KDM4C: variants seen among roughly 807,000 people sequenced by gnomAD.
The protein encoded by KDM4C is lysine demethylase 4C.
In KDM4C, 81 loss-of-function variants were observed where a neutral mutation model predicts 129.3. That is an observed-to-expected ratio of 0.63 (90% CI 0.52 to 0.75). The LOEUF (loss-of-function observed/expected upper bound fraction) is 0.75, where lower values mean the gene tolerates loss of function less well. KDM4C is among the 30% of genes least tolerant of loss of function. The pLI, the probability that KDM4C is intolerant of heterozygous loss-of-function variation, is 0.00. For synonymous variants in KDM4C, 573 were observed against 456.1 expected (o/e 1.26, Z -3.26); for missense variants, 1,457 against 1,304.0 (o/e 1.12, Z -1.81).
chr9:6,840,116 A>G (rs557983316), intron 4 of KDM4C, among the ~76,000 whole-genome samples: 1 of 152,044 alleles, frequency 6.6e-6, no homozygotes, highest in African/African-American at 2.4e-5. Context: ...TCTGTCACCC[A>G]GGCTGGAGTG....
chr9:7,024,768 A>G (rs138732437), intron 15 of KDM4C, among the ~76,000 whole-genome samples: 1 of 152,140 alleles, frequency 6.6e-6, no homozygotes, highest in Admixed American at 6.5e-5. Context: ...AGTCTTTGCT[A>G]TTGTGAATAG....
intron 1 of KDM4C, among the ~76,000 whole-genome samples, chr9:6,788,918 A>C (rs1298540572): frequency 6.6e-6 from 1 of 152,240 alleles, no homozygotes; most frequent in African/African-American, 2.4e-5. Flanking sequence ...TACCGTGCAG[A>C]AACACAGAAA....
intron 17 of KDM4C, among the ~76,000 whole-genome samples, chr9:7,079,100 T>C (rs1834243346): frequency 6.6e-6 from 1 of 152,230 alleles, no homozygotes; most frequent in South Asian, 2.1e-4. Context: ...TATCAATGAA[T>C]GGTGGCAAGC....
chr9:6,796,687 T>C (rs1004839008), intron 2 of KDM4C, among the ~76,000 whole-genome samples: 6 of 152,190 alleles, frequency 3.9e-5, no homozygotes, highest in Admixed American at 6.5e-5. Context: ...ATTTTTAAAA[T>C]TGAGACTCAT....
chr9:7,008,372 A>G (rs1822061995), intron 12 of KDM4C, among the ~76,000 whole-genome samples: 1 of 152,160 alleles, frequency 6.6e-6, no homozygotes, highest in South Asian at 2.1e-4. Flanking sequence ...ACTCCAGACC[A>G]GCACCCACGG....
chr9:6,731,981 C>T (rs34193516), intron 1 of KDM4C, among the ~76,000 whole-genome samples: 41,148 of 151,914 alleles, frequency 0.27, 6,820 homozygotes, highest in African/African-American at 0.43. Context: ...AGACTATTAT[C>T]ATCACTATCA....
intron 4 of KDM4C, among the ~76,000 whole-genome samples, chr9:6,836,037 G>GC (rs1835811188): frequency 6.6e-6 from 1 of 151,924 alleles, no homozygotes; most frequent in Non-Finnish European, 1.5e-5. Context: ...AGCCTTCGTG[G>GC]CCCCCCTCTT....
rs1445539538 is a variant in KDM4C at position 6,758,399 on chromosome 9, A to T, written c.-18+196A>T. Among the ~76,000 whole-genome samples, 1 of 149,668 alleles carries T rather than the reference A, an allele frequency of 6.7e-6. No individual in the cohort carries two copies. The highest frequency in any genetic ancestry group is 1.5e-5 in the Non-Finnish European group (1 of 67,432). ...GAGCGGCCGGCCGCGGCCGCAGGGG[A>T]GGGATGCGGGGGCCGGTGACAGCCC... On this transcript the variant is annotated intron_variant, in intron 1 of 21. Coordinates refer to ENST00000381309, the MANE Select transcript of KDM4C (RefSeq NM_015061.6). This position sits in a 1 kb window ranked among gnomAD's most constrained non-coding sequence, Gnocchi z 4.6.
intron 2 of KDM4C, 91 bp from the exon 3 acceptor site, chr9:6,805,508 A>G: frequency 1.3e-6 from 1 of 795,180 alleles, no homozygotes; most frequent in Admixed American, 3.3e-5. Flanking sequence ...ATACTGAGAA[A>G]TTCTTCAGTT....
chr9:6,888,515 C>T (rs1313761458), intron 7 of KDM4C, among the ~76,000 whole-genome samples: 1 of 152,070 alleles, frequency 6.6e-6, no homozygotes, highest in Non-Finnish European at 1.5e-5. Context: ...ATAAAATTGC[C>T]TGATGATTTA....
At chr9:7,169,188 C>T (rs933188321) in intron 20 of KDM4C, among the ~76,000 whole-genome samples, 1 of 151,872 alleles carries the variant, frequency 6.6e-6, no homozygotes, top group African/African-American at 2.4e-5. Context: ...GAATTTCCCA[C>T]AGTCTCATGT....
chr9:6,839,801 C>A (rs530543090), intron 4 of KDM4C, among the ~76,000 whole-genome samples: 2 of 151,934 alleles, frequency 1.3e-5, no homozygotes, highest in African/African-American at 4.8e-5. Context: ...ACTCAGGAGA[C>A]TGAGGTCAGG....
chr9:6,772,509 G>A (rs547431085), intron 1 of KDM4C, among the ~76,000 whole-genome samples: 1 of 152,198 alleles, frequency 6.6e-6, no homozygotes, highest in East Asian at 1.9e-4. Context: ...TTACAGGCAT[G>A]CACCACCACG....
chr9:7,163,312 C>T (rs962565781), intron 19 of KDM4C, among the ~76,000 whole-genome samples: 9 of 152,102 alleles, frequency 5.9e-5, no homozygotes, highest in Non-Finnish European at 7.3e-5. Context: ...CAAGTGTCAC[C>T]GTGCTTCTCT....
At chr9:7,058,279 T>C (rs1831151684) in intron 17 of KDM4C, among the ~76,000 whole-genome samples, 1 of 152,196 alleles carries the variant, frequency 6.6e-6, no homozygotes, top group Non-Finnish European at 1.5e-5. Flanking sequence ...TTCCAACCCT[T>C]TTCAGACATC....
chr9:6,852,008 A>G (rs1174248276), intron 5 of KDM4C, among the ~76,000 whole-genome samples: 2 of 152,178 alleles, frequency 1.3e-5, no homozygotes, highest in East Asian at 3.8e-4. Flanking sequence ...AACCTTGGCC[A>G]TTGTTTATAA....
At chr9:6,940,788 A>G (rs1442282192) in intron 8 of KDM4C, among the ~76,000 whole-genome samples, 1 of 152,224 alleles carries the variant, frequency 6.6e-6, no homozygotes, top group Non-Finnish European at 1.5e-5. Context: ...ACTTTATTTC[A>G]TTATCATTTT....
At chr9:6,788,583 A>C (rs1825925799) in intron 1 of KDM4C, among the ~76,000 whole-genome samples, 1 of 152,208 alleles carries the variant, frequency 6.6e-6, no homozygotes, top group South Asian at 2.1e-4. Flanking sequence ...CATTATGTAA[A>C]TATGTTAACA....
At chr9:6,796,896 A>G (rs530343811) in intron 2 of KDM4C, among the ~76,000 whole-genome samples, 16 of 152,200 alleles carry the variant, frequency 1.1e-4, no homozygotes, top group Non-Finnish European at 2.4e-4. Context: ...ATCAAATCAT[A>G]TTATAAAAAT....
Sources: allele counts gnomAD v4.1 joint callset (sites outside exome capture counted in the v4.1 genomes callset), GRCh38; gene constraint gnomAD v4.1.1; non-coding constraint Gnocchi (gnomAD v3.1); transcripts MANE v1.5; gene names NCBI Gene and HGNC (gene_info 2026-07-23, HGNC 2026-07-21).